Variants in TNNI3K observed in about 807,000 individuals in gnomAD.
TNNI3K encodes TNNI3 interacting kinase.
Under a neutral mutation model 114.5 loss-of-function variants are expected in TNNI3K, and 140 were observed. That is an observed-to-expected ratio of 1.22 (90% CI 1.07 to 1.41). TNNI3K has a LOEUF of 1.41. TNNI3K is among the 40% of genes most tolerant of loss of function. The pLI is 0.00. For missense variants in TNNI3K, 1,125 were observed against 1,007.6 expected, an observed-to-expected ratio of 1.12 and a Z score of -1.58; for synonymous variants, 347 against 347.5, an observed-to-expected ratio of 1.00 and a Z score of 0.02.
chr1:74,327,157 C>T (rs1659954321), intron 5 of TNNI3K, among the ~76,000 whole-genome samples: 1 of 150,544 alleles, frequency 6.6e-6, no homozygotes, highest in African/African-American at 2.4e-5. Context: ...ACTGGAGGAA[C>T]TTCACTTGGA....
chr1:74,258,625 A>C (rs149970237), intron 4 of TNNI3K, among the ~76,000 whole-genome samples: 21 of 152,280 alleles, frequency 1.4e-4, no homozygotes, highest in African/African-American at 5.1e-4. Context: ...ATGAAACAAA[A>C]ATCTATGATA....
chr1:74,510,814 C>T (rs1375226561), intron 23 of TNNI3K, among the ~76,000 whole-genome samples: 1 of 152,206 alleles, frequency 6.6e-6, no homozygotes, highest in Non-Finnish European at 1.5e-5. Flanking sequence ...CTGTGTCTGC[C>T]CCTACCCAGA....
At chr1:74,378,462 C>T (rs191981543) in intron 17 of TNNI3K, among the ~76,000 whole-genome samples, 240 of 151,030 alleles carry the variant, frequency 1.6e-3, no homozygotes, top group African/African-American at 5.6e-3. Context: ...CCATCTTCAA[C>T]GTGTGACTTC....
intron 21 of TNNI3K, among the ~76,000 whole-genome samples, chr1:74,478,697 C>A (rs1239877453): frequency 1.3e-5 from 2 of 152,166 alleles, no homozygotes; most frequent in Admixed American, 1.3e-4. Context: ...TTTCACTTTG[C>A]TTAACTTAGT....
At chr1:74,451,914 C>A (rs936889506) in intron 20 of TNNI3K, among the ~76,000 whole-genome samples, 2 of 151,616 alleles carry the variant, frequency 1.3e-5, no homozygotes, top group Non-Finnish European at 2.9e-5. Flanking sequence ...ATCATTTGAA[C>A]TTCTGAAATT....
chr1:74,435,078 C>T (rs1482198103), intron 17 of TNNI3K, among the ~76,000 whole-genome samples: 2 of 151,918 alleles, frequency 1.3e-5, no homozygotes, highest in Non-Finnish European at 2.9e-5. Flanking sequence ...GTGGCAATCT[C>T]CTAATACTGA....
At chr1:74,384,362 C>T (rs1184464841) in intron 17 of TNNI3K, among the ~76,000 whole-genome samples, 1 of 152,158 alleles carries the variant, frequency 6.6e-6, no homozygotes, top group South Asian at 2.1e-4. Context: ...TTTGACTGAT[C>T]TGATTTTCTG....
chr1:74,486,507 C>CT (rs397940623), intron 21 of TNNI3K, among the ~76,000 whole-genome samples: 85,005 of 137,014 alleles, frequency 0.62, 26,293 homozygotes, highest in African/African-American at 0.73. Flanking sequence ...TTGTTTTTTG[C>CT]TTTTTTTTTT....
chr1:74,295,263 G>C (rs1657914021), intron 5 of TNNI3K, among the ~76,000 whole-genome samples: 1 of 152,022 alleles, frequency 6.6e-6, no homozygotes, highest in South Asian at 2.1e-4. Flanking sequence ...ATTTGGTGAG[G>C]CTTGCTTTAT....
At chr1:74,398,431 T>C (rs532760667) in intron 17 of TNNI3K, among the ~76,000 whole-genome samples, 1 of 152,188 alleles carries the variant, frequency 6.6e-6, no homozygotes, top group African/African-American at 2.4e-5. Context: ...GCTAAATAAG[T>C]GTGTGGGGGT....
chr1:74,492,834 C>T (rs925239636), intron 23 of TNNI3K, among the ~76,000 whole-genome samples: 1 of 152,166 alleles, frequency 6.6e-6, no homozygotes, highest in African/African-American at 2.4e-5. Context: ...ATACTGGGTA[C>T]ATAAAACAGC....
chr1:74,522,749 C>G (rs1057435499), intron 23 of TNNI3K, among the ~76,000 whole-genome samples: 1 of 152,052 alleles, frequency 6.6e-6, no homozygotes, highest in Admixed American at 6.6e-5. Context: ...TCATTTGATT[C>G]AAATCTGGAT....
intron 17 of TNNI3K, among the ~76,000 whole-genome samples, chr1:74,434,783 T>C (rs1405784502): frequency 6.6e-6 from 1 of 152,052 alleles, no homozygotes; most frequent in Non-Finnish European, 1.5e-5. Flanking sequence ...GATTTTAACA[T>C]ATTTTAGATT....
intron 4 of TNNI3K, among the ~76,000 whole-genome samples, chr1:74,252,123 G>A (rs1023783102): frequency 6.6e-6 from 1 of 152,144 alleles, no homozygotes; most frequent in South Asian, 2.1e-4. Context: ...GATTTTTTCT[G>A]TATTAGTTCA....
intron 4 of TNNI3K, among the ~76,000 whole-genome samples, chr1:74,270,393 T>A (rs1057157156): frequency 6.6e-6 from 1 of 151,642 alleles, no homozygotes; most frequent in Non-Finnish European, 1.5e-5. Context: ...ACTTTTTTTT[T>A]AAAACGGAGA....
rs566581071 is a variant in TNNI3K, at chr1:74,492,155, A to G, written c.2240A>G (p.Asp747Gly). 6.2e-7 allele frequency: 1 copy of G among 1,612,976 alleles called. No individual in the cohort carries two copies. The highest frequency in any genetic ancestry group is 1.7e-5 in the Admixed American group (1 of 59,990). The change falls in exon 23 of 25, where the codon GAT becomes GGT. Residue 747 changes from aspartate to glycine, a missense_variant. Physicochemically the swap from Asp to Gly is moderately conservative, Grantham distance 94. Transcript: ENST00000326637. Reference sequence around the variant, plus strand: ...TCTCTCTCACCTTCTTCTTCTTCTGATTGCCTGGTGAACCGGGGAGGACCT... The same window carrying G: ...TCTCTCTCACCTTCTTCTTCTTCTGGTTGCCTGGTGAACCGGGGAGGACCT... ...SGSLSPSSSS[D>G]CLVNRGGPGR...
At chr1:74,352,708 G>A (rs945566432) in intron 9 of TNNI3K, among the ~76,000 whole-genome samples, 1 of 152,184 alleles carries the variant, frequency 6.6e-6, no homozygotes, top group Non-Finnish European at 1.5e-5. Flanking sequence ...CTTGTAGTTT[G>A]ATCTCAGACT....
At chr1:74,375,220 C>T in intron 17 of TNNI3K, 1 of 156,250 alleles carries the variant, frequency 6.4e-6, no homozygotes, top group Non-Finnish European at 1.4e-5. Context: ...CAATTAAAAC[C>T]ACCTTTGCAA....
At chr1:74,257,830 G>A (rs1022849439) in intron 4 of TNNI3K, among the ~76,000 whole-genome samples, 7 of 151,884 alleles carry the variant, frequency 4.6e-5, no homozygotes, top group African/African-American at 1.7e-4. Flanking sequence ...ACCACGCCCG[G>A]CTAATTTTTT....
Sources: gnomAD v4.1 joint callset for allele counts (sites outside exome capture counted in the v4.1 genomes callset) on GRCh38, gnomAD v4.1.1 for gene constraint, MANE v1.5 for transcripts, NCBI Gene and HGNC (gene_info 2026-07-23, HGNC 2026-07-21) for gene names.